The following ELOVL7 variants were observed in gnomAD, a reference collection of about 807,000 sequenced individuals.
ELOVL7 encodes the protein ELOVL fatty acid elongase 7.
Under a neutral mutation model 35.7 loss-of-function variants are expected in ELOVL7, and 27 were observed. The ratio of observed to expected loss-of-function variants is 0.76; its 90% confidence interval spans 0.56 to 1.04. The LOEUF (loss-of-function observed/expected upper bound fraction) is 1.04. Ranked by LOEUF, ELOVL7 falls within the 50% of genes least tolerant of loss-of-function variation. The pLI is 0.00. For missense variants in ELOVL7, 327 were observed against 340.8 expected, an observed-to-expected ratio of 0.96 and a Z score of 0.32; for synonymous variants, 113 against 114.6, an observed-to-expected ratio of 0.99 and a Z score of 0.09.
intron 1 of ELOVL7, among the ~76,000 whole-genome samples, chr5:60,827,503 C>T (rs1035039079): frequency 3.3e-5 from 5 of 152,052 alleles, no homozygotes; most frequent in African/African-American, 1.2e-4. Context: ...TTCTTCTAGA[C>T]AATTTTATAC....
At chr5:60,807,570 T>G (rs1053766236) in intron 1 of ELOVL7, among the ~76,000 whole-genome samples, 1 of 145,548 alleles carries the variant, frequency 6.9e-6, no homozygotes, top group Non-Finnish European at 1.5e-5. Context: ...AAATAAACTG[T>G]GGGGGGAAAG....
intron 2 of ELOVL7, among the ~76,000 whole-genome samples, chr5:60,794,183 T>A (rs13158594): frequency 0.2 from 30,656 of 152,206 alleles, 3,629 homozygotes; most frequent in Non-Finnish European, 0.27. Flanking sequence ...TAGTATCACA[T>A]GACAACTCGG....
intron 8 of ELOVL7, among the ~76,000 whole-genome samples, chr5:60,755,613 T>C (rs1189324963): frequency 6.6e-6 from 1 of 151,992 alleles, no homozygotes; most frequent in Non-Finnish European, 1.5e-5. Context: ...GCCGAGATCG[T>C]GCCACTGCAC....
intron 1 of ELOVL7, among the ~76,000 whole-genome samples, chr5:60,831,492 G>C (rs745824367): frequency 2.0e-5 from 3 of 152,152 alleles, no homozygotes; most frequent in African/African-American, 7.2e-5. Flanking sequence ...AGTTTTAAAA[G>C]GTTCTTCTCT....
intron 1 of ELOVL7, among the ~76,000 whole-genome samples, chr5:60,837,627 T>C (rs757512432): frequency 1.3e-5 from 2 of 152,050 alleles, no homozygotes; most frequent in Non-Finnish European, 2.9e-5. Context: ...AAAATTCACA[T>C]GCAAGCTAAG....
intron 1 of ELOVL7, among the ~76,000 whole-genome samples, chr5:60,829,612 C>T (rs1746367676): frequency 6.6e-6 from 1 of 151,954 alleles, no homozygotes; most frequent in African/African-American, 2.4e-5. Context: ...GAGTGAGTTT[C>T]GATTGTCACA....
Position 60,812,703 on chromosome 5 carries a change from T to C in ELOVL7, c.-85-13473A>G, listed in dbSNP as rs569695047. 5.5e-3 allele frequency among the ~76,000 whole-genome samples: 844 copies of C among 152,278 alleles called. 9 individuals are homozygous for C. Among genetic ancestry groups the C allele is most frequent in the South Asian group, 0.034 (166 of 4,826 alleles). On this transcript the variant is annotated intron_variant, in intron 1 of 8. Transcript: ENST00000508821. ...GAATTGTACACAAAGGTTGAGAACC[T>C]CCCTCTTGCTAAACCTAAAGGCTTA...
chr5:60,785,965 T>C (rs551571984), intron 3 of ELOVL7: 11 of 152,334 alleles, frequency 7.2e-5, no homozygotes, highest in African/African-American at 2.4e-4. Context: ...TTGACTATAA[T>C]TTCATCTGTG....
intron 4 of ELOVL7, among the ~76,000 whole-genome samples, chr5:60,768,910 A>T (rs541924873): frequency 3.3e-4 from 50 of 152,196 alleles, no homozygotes; most frequent in Non-Finnish European, 3.8e-4. Context: ...TTAGAACTTT[A>T]CAATTAATTA....
At chr5:60,772,407 GT>G (rs1047956714) in intron 3 of ELOVL7, among the ~76,000 whole-genome samples, 1 of 152,182 alleles carries the variant, frequency 6.6e-6, no homozygotes, top group African/African-American at 2.4e-5. Context: ...GAAGATGGCA[GT>G]CTGCAACCTG....
intron 1 of ELOVL7, among the ~76,000 whole-genome samples, chr5:60,832,137 C>T (rs1746515075): frequency 6.6e-6 from 1 of 152,212 alleles, no homozygotes; most frequent in African/African-American, 2.4e-5. Context: ...TCCAGGAACC[C>T]AGGTCTGCCA....
chr5:60,756,754 T>C (rs539846956), intron 8 of ELOVL7, among the ~76,000 whole-genome samples: 94 of 152,266 alleles, frequency 6.2e-4, no homozygotes, highest in Admixed American at 2.0e-3. Flanking sequence ...AATTCATACT[T>C]TCTCATTGGT....
chr5:60,833,043 T>C (rs907691429), intron 1 of ELOVL7, among the ~76,000 whole-genome samples: 1 of 152,220 alleles, frequency 6.6e-6, no homozygotes, highest in Non-Finnish European at 1.5e-5. Flanking sequence ...TGCCGTATTC[T>C]ACAGTAACCT....
intron 2 of ELOVL7, among the ~76,000 whole-genome samples, chr5:60,797,972 C>G (rs147780516): frequency 6.6e-6 from 1 of 152,210 alleles, no homozygotes; most frequent in African/African-American, 2.4e-5. Context: ...AACCCTTTGT[C>G]TCTCACCTAC....
At position 60,754,836 on chromosome 5, in the gene ELOVL7, A is replaced by G. The variant is rs1196806059; in HGVS notation, c.637-3T>C. ...ATGGCGACAATAACAAACTGGACCT[A>G]AGAAATGAAAACGTGAAAAAAAATT... is the stretch of plus-strand genomic sequence containing the variant. On this transcript the variant is annotated splice_polypyrimidine_tract_variant and splice_region_variant and intron_variant, in intron 8 of 8. Transcript: ENST00000508821. The G allele has an allele frequency of 6.8e-6, 11 of 1,612,384 alleles. No homozygotes were observed. The highest frequency in any genetic ancestry group is 8.5e-6 in the Non-Finnish European group (10 of 1,179,208).
In ELOVL7 at chr5:60,764,469, A is replaced by G. The variant is rs1053368062; in HGVS notation, c.394-137T>C. On this transcript the variant is annotated intron_variant, in intron 6 of 8. Coordinates refer to ENST00000508821, the MANE Select transcript of ELOVL7 (RefSeq NM_024930.3). ...AAGTGTTGCCTTATAGAATGCTTACAGAAGCAGCTAATTCCCCAAGGGGCA... is the reference window on the plus strand; with the variant it reads ...AAGTGTTGCCTTATAGAATGCTTACGGAAGCAGCTAATTCCCCAAGGGGCA... 3 of 654,152 alleles carry G rather than the reference A, an allele frequency of 4.6e-6. No individual in the cohort carries two copies. The African/African-American group carries it at 5.5e-5, about 12-fold the overall frequency. The allele number at this position is 654,152 out of a possible 1,614,324, so 40.5% of individuals were successfully genotyped here.
At chr5:60,762,231 G>A (rs112691410) in intron 7 of ELOVL7, among the ~76,000 whole-genome samples, 300 of 147,490 alleles carry the variant, frequency 2.0e-3, no homozygotes, top group African/African-American at 7.0e-3. Context: ...CCTGGGAAGC[G>A]GAGGTTGCAG....
chr5:60,825,628 A>G (rs1402970910), intron 1 of ELOVL7, among the ~76,000 whole-genome samples: 1 of 152,174 alleles, frequency 6.6e-6, no homozygotes, highest in Non-Finnish European at 1.5e-5. Flanking sequence ...GAATGGATGG[A>G]TGAACCTTCT....
intron 1 of ELOVL7, among the ~76,000 whole-genome samples, chr5:60,823,897 G>C (rs144780275): frequency 1.3e-5 from 2 of 152,250 alleles, no homozygotes; most frequent in East Asian, 3.9e-4. Flanking sequence ...GTCACTGAGT[G>C]AAAGACTTAA....
Sources: gnomAD v4.1 joint callset for allele counts (sites outside exome capture counted in the v4.1 genomes callset) on GRCh38, gnomAD v4.1.1 for gene constraint, MANE v1.5 for transcripts, NCBI Gene and HGNC (gene_info 2026-07-23, HGNC 2026-07-21) for gene names.